Variants in ST6GAL1 observed in about 807,000 individuals in gnomAD.
The protein encoded by ST6GAL1 is ST6 beta-galactoside alpha-2,6-sialyltransferase 1, also known as beta-galactoside alpha-2,6-sialyltransferase 1.
A neutral mutation model predicts 38.0 loss-of-function variants in ST6GAL1; 20 were observed. The ratio of observed to expected loss-of-function variants is 0.53; its 90% confidence interval spans 0.37 to 0.77. The LOEUF (loss-of-function observed/expected upper bound fraction) is 0.77. ST6GAL1 is among the 30% of genes least tolerant of loss of function. The probability of loss-of-function intolerance (pLI) is 0.00; values close to 1 mark genes in which losing one functional copy is unlikely to be tolerated. For synonymous variants in ST6GAL1, 196 were observed against 188.2 expected, an observed-to-expected ratio of 1.04 and a Z score of -0.34; for missense variants, 432 against 496.4, an observed-to-expected ratio of 0.87 and a Z score of 1.23.
chr3:187,049,283 GAGA>G (rs748346401), intron 4 of ST6GAL1, among the ~76,000 whole-genome samples: 29 of 152,218 alleles, frequency 1.9e-4, no homozygotes, highest in Non-Finnish European at 3.7e-4. Flanking sequence ...CATTAAAGCT[GAGA>G]AGAAGACTAA....
intron 1 of ST6GAL1, among the ~76,000 whole-genome samples, chr3:186,949,935 T>G (rs1211708396): frequency 2.6e-5 from 4 of 152,236 alleles, no homozygotes; most frequent in African/African-American, 9.6e-5. Flanking sequence ...GTGGTTATTT[T>G]CAATATCACA....
chr3:187,002,073 T>A (rs1276693561), intron 2 of ST6GAL1, among the ~76,000 whole-genome samples: 1 of 152,196 alleles, frequency 6.6e-6, no homozygotes, highest in Non-Finnish European at 1.5e-5. Flanking sequence ...AGCTGTTAGA[T>A]CTGACCATAT....
intron 1 of ST6GAL1, among the ~76,000 whole-genome samples, chr3:186,936,739 A>T (rs1713965571): frequency 6.6e-6 from 1 of 152,042 alleles, no homozygotes; most frequent in Non-Finnish European, 1.5e-5. Context: ...TCAGGAGTTC[A>T]AGACCAGCCT....
intron 2 of ST6GAL1, among the ~76,000 whole-genome samples, chr3:187,011,430 C>T (rs4686835): frequency 0.74 from 112,093 of 152,192 alleles, 41,731 homozygotes; most frequent in South Asian, 0.84. Context: ...TTCTGACCCT[C>T]AGATTTTTTA....
intron 2 of ST6GAL1, chr3:186,964,355 A>C (rs1210421660): frequency 6.6e-6 from 1 of 152,224 alleles, no homozygotes. Context: ...AACATTATGC[A>C]GAGAGGTTAT....
Position 187,077,140 on chromosome 3 carries a change from C to A in ST6GAL1, c.*1337C>A, listed in dbSNP as rs573122913. ...CCTTGGAGATCAGAACTGATTCTCA[C>A]CAGGTGTGAGAGGTGTGGTAGCAGA... On this transcript the variant is annotated 3_prime_UTR_variant, in exon 8 of 8. Coordinates refer to ENST00000169298, the MANE Select transcript of ST6GAL1 (RefSeq NM_173216.2). 5.5e-5 allele frequency: 22 copies of A among 397,446 alleles called. No homozygotes were observed. Among genetic ancestry groups the A allele is most frequent in the African/African-American group, 4.3e-4 (21 of 48,714 alleles). The allele number at this position is 397,446 out of a possible 1,614,324, so 24.6% of individuals were successfully genotyped here.
intron 2 of ST6GAL1, among the ~76,000 whole-genome samples, chr3:186,966,304 G>A (rs1715113726): frequency 6.6e-6 from 1 of 152,198 alleles, no homozygotes; most frequent in South Asian, 2.1e-4. Context: ...ACAGTGTTTT[G>A]TAATCTGTCT....
chr3:187,006,682 C>A (rs1349778723), intron 2 of ST6GAL1: 3 of 152,210 alleles, frequency 2.0e-5, no homozygotes, highest in Admixed American at 6.5e-5. Flanking sequence ...GGTCACACAT[C>A]TAGCAATTAG....
rs1222741938 is a variant in ST6GAL1, at chr3:186,953,435, C to A, written c.-324-10350C>A. 2.0e-5 allele frequency among the ~76,000 whole-genome samples: 3 copies of A among 152,190 alleles called. No homozygotes were observed. In the South Asian group the frequency reaches 6.2e-4, roughly 32 times the overall value. On this transcript the variant is annotated intron_variant, in intron 1 of 7. Coordinates refer to ENST00000169298, the MANE Select transcript of ST6GAL1 (RefSeq NM_173216.2). The stretch of plus-strand genomic sequence containing the variant: ...ATGTATCCTATTGTTTTCGTCTCTT[C>A]TTCAGGTTTCTATTTAGATGTCACC...
At chr3:186,939,484 A>C (rs1714086470) in intron 1 of ST6GAL1, among the ~76,000 whole-genome samples, 1 of 152,194 alleles carries the variant, frequency 6.6e-6, no homozygotes, top group South Asian at 2.1e-4. Flanking sequence ...CCTGATTTCA[A>C]ATAAGGGCCC....
chr3:187,037,217 C>T (rs1396833567), intron 2 of ST6GAL1, among the ~76,000 whole-genome samples: 1 of 152,170 alleles, frequency 6.6e-6, no homozygotes, highest in African/African-American at 2.4e-5. Flanking sequence ...ATCTGTCCAG[C>T]AATGAGTATT....
intron 1 of ST6GAL1, among the ~76,000 whole-genome samples, chr3:186,955,621 G>T (rs1714721468): frequency 6.6e-6 from 1 of 152,002 alleles, no homozygotes; most frequent in South Asian, 2.1e-4. Flanking sequence ...TCTTGCCTCA[G>T]CCTCCTGAGT....
chr3:186,951,244 A>T (rs1461703653), intron 1 of ST6GAL1, among the ~76,000 whole-genome samples: 1 of 152,092 alleles, frequency 6.6e-6, no homozygotes, highest in Non-Finnish European at 1.5e-5. Flanking sequence ...TTTAGTAGAG[A>T]TAGGGTTTCA....
rs991095589 is a variant in ST6GAL1, at chr3:186,930,731, G to C, written c.-428G>C. The C allele has an allele frequency of 4.6e-5, 7 of 152,272 alleles. No homozygotes were observed. The highest frequency in any genetic ancestry group is 7.3e-5 in the Non-Finnish European group (5 of 68,136). 9.4% of individuals were successfully genotyped at this position (152,272 alleles called of 1,614,324 possible). On this transcript the variant is annotated 5_prime_UTR_variant, in exon 1 of 8. Transcript: ENST00000169298. ...GGGGAAGACGCCTGGGGCACTGCCC[G>C]GCGTTAACAAAGGGAGCCGATACCG...
intron 2 of ST6GAL1, among the ~76,000 whole-genome samples, chr3:186,979,165 CTG>C (rs1246122028): frequency 2.0e-5 from 3 of 152,042 alleles, no homozygotes; most frequent in Non-Finnish European, 2.9e-5. Flanking sequence ...GTAAAACAAA[CTG>C]TATATAAAGT....
At chr3:186,991,694 G>A (rs564431256) in intron 2 of ST6GAL1, among the ~76,000 whole-genome samples, 137 of 152,214 alleles carry the variant, frequency 9.0e-4, no homozygotes, top group African/African-American at 3.2e-3. Flanking sequence ...GTGATTCACC[G>A]GCTGGCCTCA....
intron 2 of ST6GAL1, among the ~76,000 whole-genome samples, chr3:187,009,865 C>CGTG (rs1716900300): frequency 1.3e-5 from 2 of 151,858 alleles, no homozygotes; most frequent in East Asian, 3.9e-4. Context: ...ATTAGCCAGG[C>CGTG]GTGGTGGTGG....
chr3:186,985,217 C>A (rs1272241589), intron 2 of ST6GAL1, among the ~76,000 whole-genome samples: 5 of 151,980 alleles, frequency 3.3e-5, no homozygotes, highest in Non-Finnish European at 1.5e-5. Flanking sequence ...CCCTATCCCC[C>A]CTTTCTTGTA....
intron 2 of ST6GAL1, among the ~76,000 whole-genome samples, chr3:186,988,897 G>A (rs1716052638): frequency 6.6e-6 from 1 of 152,110 alleles, no homozygotes; most frequent in Non-Finnish European, 1.5e-5. Context: ...CTGGGCGACA[G>A]AGCCAGAGCC....
Sources: gnomAD v4.1 joint callset for allele counts (sites outside exome capture counted in the v4.1 genomes callset) on GRCh38, gnomAD v4.1.1 for gene constraint, MANE v1.5 for transcripts, NCBI Gene and HGNC (gene_info 2026-07-23, HGNC 2026-07-21) for gene names.